PHLDB2: variants seen among roughly 807,000 people sequenced by gnomAD.
PHLDB2 encodes the protein pleckstrin homology-like domain family B member 2.
Under a neutral mutation model 123.6 loss-of-function variants are expected in PHLDB2, and 71 were observed. That is an observed-to-expected ratio of 0.57 (90% confidence interval 0.47 to 0.70). The LOEUF (loss-of-function observed/expected upper bound fraction) is 0.70, where lower values mean the gene tolerates loss of function less well. PHLDB2 is among the 30% of genes least tolerant of loss of function. PHLDB2 has a pLI of 0.00. For missense variants in PHLDB2, 1,446 were observed against 1,519.5 expected, an observed-to-expected ratio of 0.95 and a Z score of 0.80; for synonymous variants, 547 against 541.6, an observed-to-expected ratio of 1.01 and a Z score of -0.14.
At chr3:111,861,700 T>C (rs536361186) in intron 1 of PHLDB2, among the ~76,000 whole-genome samples, 1 of 152,352 alleles carries the variant, frequency 6.6e-6, no homozygotes, top group East Asian at 1.9e-4. Context: ...GCTTGCTTAC[T>C]CCTCCGTTCA....
chr3:111,905,951 T>A (rs2067503722), intron 2 of PHLDB2, among the ~76,000 whole-genome samples: 1 of 152,258 alleles, frequency 6.6e-6, no homozygotes, highest in African/African-American at 2.4e-5. Context: ...AATGTCGTTA[T>A]GTGTGCAGAT....
chr3:111,743,364 T>C (rs2059634351), intron 1 of PHLDB2, among the ~76,000 whole-genome samples: 1 of 152,186 alleles, frequency 6.6e-6, no homozygotes, highest in Non-Finnish European at 1.5e-5. Context: ...GGAGACTTAA[T>C]TTAGAAAAAT....
intron 1 of PHLDB2, among the ~76,000 whole-genome samples, chr3:111,805,209 T>G (rs148018868): frequency 1.3e-5 from 2 of 152,290 alleles, no homozygotes; most frequent in East Asian, 3.9e-4. Flanking sequence ...GCTTTGTTCA[T>G]TATAGCCAAG....
At chr3:111,812,351 G>A (rs992423868) in intron 1 of PHLDB2, among the ~76,000 whole-genome samples, 2 of 152,196 alleles carry the variant, frequency 1.3e-5, no homozygotes, top group Non-Finnish European at 2.9e-5. Context: ...GAACACAAAA[G>A]CTAACACTTT....
intron 7 of PHLDB2, 59 bp downstream of exon 7, chr3:111,939,689 GC>G: frequency 6.7e-7 from 1 of 1,502,644 alleles, no homozygotes; most frequent in East Asian, 2.3e-5. Flanking sequence ...GCTTAACATA[GC>G]TATGACATAT....
chr3:111,960,801 C>A (rs1019137027), intron 12 of PHLDB2, among the ~76,000 whole-genome samples: 1 of 152,168 alleles, frequency 6.6e-6, no homozygotes, highest in African/African-American at 2.4e-5. Context: ...AGTAGACATT[C>A]TCTTATCAGG....
intron 1 of PHLDB2, among the ~76,000 whole-genome samples, chr3:111,775,340 G>A (rs949996122): frequency 3.9e-5 from 6 of 152,116 alleles, no homozygotes; most frequent in Non-Finnish European, 5.9e-5. Context: ...TTCCCCCACC[G>A]ATTAAACAGA....
chr3:111,741,242 A>G (rs2059599032), intron 1 of PHLDB2, among the ~76,000 whole-genome samples: 1 of 152,220 alleles, frequency 6.6e-6, no homozygotes. Flanking sequence ...ACTCATTGAT[A>G]GTCAAGGAAG....
chr3:111,960,469 T>TA (rs924675628), intron 12 of PHLDB2, among the ~76,000 whole-genome samples: 6 of 152,242 alleles, frequency 3.9e-5, no homozygotes, highest in Admixed American at 3.9e-4. Flanking sequence ...CTTAAATATC[T>TA]AAAACCACTC....
intron 1 of PHLDB2, among the ~76,000 whole-genome samples, chr3:111,862,822 G>A (rs2064898874): frequency 1.3e-5 from 2 of 152,274 alleles, no homozygotes; most frequent in South Asian, 4.2e-4. Context: ...GGGAGCATTA[G>A]AGCACAAGGG....
rs1447539117 is a variant in PHLDB2, at chr3:111,952,677, A to G, written c.2737A>G (p.Ser913Gly). The change falls in exon 11 of 18, where the codon AGC becomes GGC. Residue 913 changes from serine to glycine, a missense_variant. By Grantham distance (56) the Ser-to-Gly change is moderately conservative. Around this residue, in one of 3 missense-constraint regions of PHLDB2, gnomAD observed 594 missense variants for 646.0 expected, o/e 0.92. Coordinates refer to ENST00000431670, the MANE Select transcript of PHLDB2 (RefSeq NM_001134438.2). ...CACATCTTCCATCTCCCCACATTTCAGCAGTGCTACTATGGGGAGAAGCAT... is the reference window on the plus strand; with the variant it reads ...CACATCTTCCATCTCCCCACATTTCGGCAGTGCTACTATGGGGAGAAGCAT... The part of the protein sequence containing the change: ...KTTSSISPHF[S>G]SATMGRSITP... The G allele has an allele frequency of 6.2e-7, 1 of 1,613,958 alleles. No homozygotes were observed. The highest frequency in any genetic ancestry group is 1.7e-5 in the Admixed American group (1 of 59,976).
chr3:111,734,757 A>C (rs1941628011), intron 1 of PHLDB2, among the ~76,000 whole-genome samples: 1 of 152,170 alleles, frequency 6.6e-6, no homozygotes, highest in Non-Finnish European at 1.5e-5. Context: ...CCTTGTTCCC[A>C]ACCCAGTGCA....
intron 1 of PHLDB2, among the ~76,000 whole-genome samples, chr3:111,876,250 T>C (rs999166928): frequency 6.6e-6 from 1 of 152,174 alleles, no homozygotes; most frequent in African/African-American, 2.4e-5. Context: ...AGGAGACCAA[T>C]GTTGATTCCC....
chr3:111,855,416 CCTTCCTTT>C (rs1200638094), upstream of PHLDB2, among the ~76,000 whole-genome samples: 15 of 151,520 alleles, frequency 9.9e-5, no homozygotes, highest in Admixed American at 5.9e-4. Context: ...TTCCTTCCTT[CCTTCCTTT>C]CTTTCTTTCT....
intron 5 of PHLDB2, among the ~76,000 whole-genome samples, chr3:111,927,140 G>A (rs2068859823): frequency 6.6e-6 from 1 of 152,144 alleles, no homozygotes; most frequent in South Asian, 2.1e-4. Context: ...GAACCTATAA[G>A]GATGCCTGCC....
At chr3:111,765,565 C>T (rs567083114) in intron 1 of PHLDB2, among the ~76,000 whole-genome samples, 12 of 152,276 alleles carry the variant, frequency 7.9e-5, no homozygotes, top group African/African-American at 2.4e-4. Flanking sequence ...TGACTTAAAA[C>T]GGAGAGAGAA....
chr3:111,946,054 CAG>C (rs746723016), intron 9 of PHLDB2, among the ~76,000 whole-genome samples: 1 of 122,666 alleles, frequency 8.2e-6, no homozygotes, highest in South Asian at 3.2e-4. Flanking sequence ...TTTTTTGAGA[CAG>C]AGTCTTACTG....
At chr3:111,885,483 T>C (rs559808708) in intron 2 of PHLDB2, 71 bp downstream of exon 2, 2 of 1,586,362 alleles carry the variant, frequency 1.3e-6, no homozygotes, top group Admixed American at 1.7e-5. Flanking sequence ...GCCTTGGAGA[T>C]GGACTCCAGG....
intron 13 of PHLDB2, among the ~76,000 whole-genome samples, chr3:111,963,179 C>G (rs545916025): frequency 6.6e-6 from 1 of 152,226 alleles, no homozygotes; most frequent in South Asian, 2.1e-4. Flanking sequence ...TGTCCCACTA[C>G]CTACTGTCAG....
Sources: gnomAD v4.1 joint callset for allele counts (sites outside exome capture counted in the v4.1 genomes callset) on GRCh38, gnomAD v4.1.1 for gene constraint, gnomAD v4.1.1 regional missense constraint, MANE v1.5 for transcripts, NCBI Gene and HGNC (gene_info 2026-07-23, HGNC 2026-07-21) for gene names.